FAF2: variants seen among roughly 807,000 people sequenced by gnomAD.
FAF2 encodes Fas associated factor family member 2.
In FAF2, 9 loss-of-function variants were observed where a neutral mutation model predicts 62.3. The ratio of observed to expected loss-of-function variants is 0.14; its 90% confidence interval spans 0.09 to 0.25. The LOEUF is 0.25. FAF2 is among the 10% of genes least tolerant of loss of function. The pLI, the probability that FAF2 is intolerant of heterozygous loss-of-function variation, is 1.00. For missense variants in FAF2, 368 were observed against 556.2 expected (o/e 0.66, Z 3.40); for synonymous variants, 202 against 198.0 (o/e 1.02, Z -0.17).
At chr5:176,450,161 T>A (rs1419201987) in intron 1 of FAF2, among the ~76,000 whole-genome samples, 1 of 152,220 alleles carries the variant, frequency 6.6e-6, no homozygotes, top group Non-Finnish European at 1.5e-5. Flanking sequence ...AATTTTGAAG[T>A]GGTTATTTTT....
chr5:176,477,623 AT>A (rs751882924), intron 1 of FAF2, among the ~76,000 whole-genome samples: 8 of 152,196 alleles, frequency 5.3e-5, no homozygotes, highest in Non-Finnish European at 7.3e-5. Flanking sequence ...AAACATTAAC[AT>A]TTTTTATTGC....
intron 1 of FAF2, among the ~76,000 whole-genome samples, chr5:176,459,350 C>T (rs1758335131): frequency 6.6e-6 from 1 of 151,044 alleles, no homozygotes; most frequent in Non-Finnish European, 1.5e-5. Flanking sequence ...CTCCAACCTC[C>T]TGGGCTCAGG....
chr5:176,490,172 G>A (rs1253602895), intron 4 of FAF2, among the ~76,000 whole-genome samples: 2 of 152,022 alleles, frequency 1.3e-5, no homozygotes, highest in Admixed American at 6.6e-5. Context: ...TTAGCCGGGC[G>A]CGGTGGCTGG....
chr5:176,469,770 A>G (rs901498385), intron 1 of FAF2, among the ~76,000 whole-genome samples: 4 of 152,232 alleles, frequency 2.6e-5, no homozygotes, highest in Non-Finnish European at 2.9e-5. Flanking sequence ...CGTAACATCT[A>G]TATGTAAATT....
At chr5:176,461,587 C>T (rs968415726) in intron 1 of FAF2, among the ~76,000 whole-genome samples, 2 of 151,750 alleles carry the variant, frequency 1.3e-5, no homozygotes, top group African/African-American at 4.8e-5. Context: ...CTTGGCCTCC[C>T]CTAGTGATGG....
intron 1 of FAF2, among the ~76,000 whole-genome samples, chr5:176,465,037 G>A (rs745386428): frequency 3.9e-5 from 6 of 151,996 alleles, no homozygotes; most frequent in East Asian, 1.9e-4. Flanking sequence ...ATAGGCATGC[G>A]CCACTACCAC....
At chr5:176,465,475 C>T (rs1168374717) in intron 1 of FAF2, among the ~76,000 whole-genome samples, 3 of 147,798 alleles carry the variant, frequency 2.0e-5, no homozygotes, top group African/African-American at 7.5e-5. Context: ...TCAAGCAATT[C>T]TCCTGCTTCA....
chr5:176,485,490 G>A (rs1758860465), intron 2 of FAF2, among the ~76,000 whole-genome samples: 1 of 152,142 alleles, frequency 6.6e-6, no homozygotes, highest in East Asian at 1.9e-4. Context: ...CCTCCCAAAA[G>A]GGAAAGATCA....
chr5:176,463,274 G>A (rs746782984), intron 1 of FAF2, among the ~76,000 whole-genome samples: 11 of 151,818 alleles, frequency 7.2e-5, no homozygotes, highest in Non-Finnish European at 1.3e-4. Flanking sequence ...GCAGACTCCT[G>A]TAATCGGGAG....
intron 1 of FAF2, among the ~76,000 whole-genome samples, chr5:176,478,607 G>T (rs1758741334): frequency 6.6e-6 from 1 of 152,192 alleles, no homozygotes; most frequent in Non-Finnish European, 1.5e-5. Context: ...TACAGGAAAG[G>T]TGCATTACAT....
chr5:176,486,526 AT>A, intron 3 of FAF2, 37 bp downstream of exon 3: 1 of 1,607,414 alleles, frequency 6.2e-7, no homozygotes, highest in African/African-American at 1.3e-5. Flanking sequence ...CCCCTTTTTT[AT>A]TTATAAGTAT....
rs766258758 is a variant in FAF2 at position 176,506,977 on chromosome 5, C to T, written c.*27C>T. On this transcript the variant is annotated 3_prime_UTR_variant, in exon 11 of 11. Coordinates refer to ENST00000261942, the MANE Select transcript of FAF2 (RefSeq NM_014613.3). ...ATTTTTTTCTTCCTGTCCCCTCCTA[C>T]CCCAGTCCCTAAAAGAAATGGGGAA... The T allele has an allele frequency of 1.4e-6, 2 of 1,396,510 alleles. No homozygotes were observed. The highest frequency in any genetic ancestry group is 2.9e-5 in the African/African-American group (2 of 67,838). The allele number at this position is 1,396,510 out of a possible 1,614,324, so 86.5% of individuals were successfully genotyped here.
intron 1 of FAF2, among the ~76,000 whole-genome samples, chr5:176,459,366 C>G (rs1324537365): frequency 6.6e-6 from 1 of 151,240 alleles, no homozygotes; most frequent in Admixed American, 6.6e-5. Context: ...TCAGGCACTC[C>G]TCCCACCTCA....
At chr5:176,472,224 G>T (rs1164355655) in intron 1 of FAF2, among the ~76,000 whole-genome samples, 64 of 151,666 alleles carry the variant, frequency 4.2e-4, no homozygotes, top group Admixed American at 3.9e-3. Context: ...TCAGCTCACT[G>T]CAACCTCCGT....
intron 8 of FAF2, 33 bp from the exon 9 acceptor site, chr5:176,498,881 G>A: frequency 6.6e-7 from 1 of 1,511,514 alleles, no homozygotes; most frequent in Non-Finnish European, 8.9e-7. Flanking sequence ...TGAGAGTGCT[G>A]TTTTTCTTCT....
At position 176,507,331 on chromosome 5, in the gene FAF2, T is replaced by A. The variant is rs889609472; in HGVS notation, c.*381T>A. On this transcript the variant is annotated 3_prime_UTR_variant, in exon 11 of 11. Transcript: ENST00000261942. ...TTCTTGCTTTTATGAAAAATAAAAG[T>A]GAAAAACCTCCATCAACCAGCTACT... is the stretch of plus-strand genomic sequence containing the variant. 3 of 453,428 alleles carry A rather than the reference T, an allele frequency of 6.6e-6. No homozygotes were observed. The highest frequency in any genetic ancestry group is 4.0e-5 in the African/African-American group (2 of 49,854). The allele number at this position is 453,428 out of a possible 1,614,324, so 28.1% of individuals were successfully genotyped here.
At position 176,479,180 on chromosome 5, in the gene FAF2, C is replaced by A. The variant is rs1561821637; in HGVS notation, c.64-8C>A. 6.2e-7 allele frequency: 1 copy of A among 1,613,434 alleles called. No individual in the cohort carries two copies. Among genetic ancestry groups the A allele is most frequent in the Admixed American group, 1.7e-5 (1 of 60,020 alleles). On this transcript the variant is annotated splice_region_variant and splice_polypyrimidine_tract_variant and intron_variant, in intron 1 of 10. Transcript: ENST00000261942. ...CTCTAAGTAACTTGTTTTCATCCTT[C>A]TTTTCAGGATCTCACTGGCATCGAA...
Position 176,479,382 on chromosome 5 carries a change from A to G in FAF2, c.132+126A>G, listed in dbSNP as rs1318043639. On this transcript the variant is annotated intron_variant, in intron 2 of 10. Coordinates refer to ENST00000261942, the MANE Select transcript of FAF2 (RefSeq NM_014613.3). ...TTTCAGAATTATGACTCTAAAAATA[A>G]AAGTGCAGGAAGGTAAAGAATGTGA... 8 of 747,652 alleles carry G rather than the reference A, an allele frequency of 1.1e-5. No homozygotes were observed. The East Asian group carries it at 2.1e-4, about 19-fold the overall frequency. The allele number at this position is 747,652 out of a possible 1,614,324, so 46.3% of individuals were successfully genotyped here.
intron 1 of FAF2, among the ~76,000 whole-genome samples, chr5:176,474,372 A>G (rs1758623822): frequency 6.6e-6 from 1 of 152,182 alleles, no homozygotes; most frequent in African/African-American, 2.4e-5. Flanking sequence ...AAACCTTATC[A>G]AGTAGAGAAC....
Sources: gnomAD v4.1 joint callset for allele counts (sites outside exome capture counted in the v4.1 genomes callset) on GRCh38, gnomAD v4.1.1 for gene constraint, MANE v1.5 for transcripts, NCBI Gene and HGNC (gene_info 2026-07-23, HGNC 2026-07-21) for gene names.